The following ZNF334 variants were observed in gnomAD, a reference collection of about 807,000 sequenced individuals.
The protein encoded by ZNF334 is zinc finger protein 334.
A neutral mutation model predicts 12.4 loss-of-function variants in ZNF334; 14 were observed. That is an observed-to-expected ratio of 1.13 (90% CI 0.74 to 1.76). The LOEUF (loss-of-function observed/expected upper bound fraction) is 1.76, where lower values mean the gene tolerates loss of function less well. ZNF334 is among the 40% of genes most tolerant of loss of function. The pLI, the probability that ZNF334 is intolerant of heterozygous loss-of-function variation, is 0.00. For missense variants in ZNF334, 797 were observed against 804.5 expected, an observed-to-expected ratio of 0.99 and a Z score of 0.11; for synonymous variants, 273 against 269.6, an observed-to-expected ratio of 1.01 and a Z score of -0.12.
intron 2 of ZNF334, among the ~76,000 whole-genome samples, chr20:46,508,882 T>C (rs1368510802): frequency 6.6e-6 from 1 of 152,228 alleles, no homozygotes; most frequent in Non-Finnish European, 1.5e-5. Context: ...TATTTTTATA[T>C]ATTTTTTATG....
chr20:46,501,298 AT>A lies in ZNF334; in HGVS notation c.2040del (p.Glu680AspfsTer24). ...GGAATTTATTACTTTGTTGGAACTT[AT>A]TCCTTGTGGGATTTCTGATGTAAAA... ...NFLLHQKSHK[E>X] On this transcript the variant is annotated frameshift_variant, in exon 5 of 5. Transcript: ENST00000692313. LOFTEE classifies it high-confidence loss of function. 1 of 1,608,764 alleles carries A rather than the reference AT, an allele frequency of 6.2e-7. No homozygotes were observed. The highest frequency in any genetic ancestry group is 8.5e-7 in the Non-Finnish European group (1 of 1,177,178).
chr20:46,483,159 C>T, the ZNF334 span, among the ~76,000 whole-genome samples: 1 of 152,216 alleles, frequency 6.6e-6, no homozygotes, highest in Non-Finnish European at 1.5e-5. Context: ...CTCGCCAAAA[C>T]AAGCAAGACT....
At position 46,502,681 on chromosome 20, in the gene ZNF334, TGAA is replaced by T. The variant is rs1327162104; in HGVS notation, c.655_657del (p.Phe219del). The stretch of plus-strand genomic sequence containing the variant: ...TTTTGTGTAATGAGAATTGCCCTCT[TGAA>T]GAAGGTTTTCCCACATTTATTATAG... On this transcript the variant is annotated inframe_deletion, in exon 5 of 5. Transcript: ENST00000692313. The T allele has an allele frequency of 6.8e-6, 11 of 1,612,630 alleles. No individual in the cohort carries two copies. The highest frequency in any genetic ancestry group is 1.7e-5 in the Admixed American group (1 of 59,970).
chr20:46,482,079 A>G, the ZNF334 span, among the ~76,000 whole-genome samples: 4 of 152,176 alleles, frequency 2.6e-5, no homozygotes, highest in South Asian at 8.3e-4. Context: ...GCCACGAGCC[A>G]AGGAATGCAG....
At chr20:46,486,780 C>CT in the ZNF334 span, among the ~76,000 whole-genome samples, 1 of 152,122 alleles carries the variant, frequency 6.6e-6, no homozygotes, top group Admixed American at 6.5e-5. Flanking sequence ...ACCCACATTA[C>CT]TTGTCTTTCC....
intron 2 of ZNF334, chr20:46,509,495 G>A (rs1424114152): frequency 1.0e-5 from 7 of 685,210 alleles, no homozygotes; most frequent in Admixed American, 2.0e-5. Flanking sequence ...CAGGAGCATG[G>A]GGTCAGCACG....
At chr20:46,512,479 T>C (rs2061688687) in intron 1 of ZNF334, 61 bp downstream of exon 1, 1 of 169,206 alleles carries the variant, frequency 5.9e-6, no homozygotes, top group African/African-American at 2.4e-5. Context: ...ATTTTGGCAT[T>C]AAAATGGACT....
At chr20:46,467,006 A>C in the ZNF334 span, among the ~76,000 whole-genome samples, 1 of 152,194 alleles carries the variant, frequency 6.6e-6, no homozygotes, top group Non-Finnish European at 1.5e-5. Context: ...TATTAATGTG[A>C]CCTAAGGAAA....
At chr20:46,506,729 C>T (rs1041123768) in intron 2 of ZNF334, 5 of 171,372 alleles carry the variant, frequency 2.9e-5, no homozygotes, top group South Asian at 2.0e-4. Flanking sequence ...TGGAGACAGA[C>T]GGAAAGAATG....
the ZNF334 span, among the ~76,000 whole-genome samples, chr20:46,462,328 C>A: frequency 1.3e-5 from 2 of 152,298 alleles, no homozygotes; most frequent in East Asian, 1.9e-4. Flanking sequence ...AATAGAAATT[C>A]TTTTAATAAC....
At chr20:46,484,435 A>T in the ZNF334 span, 1 of 167,242 alleles carries the variant, frequency 6.0e-6, no homozygotes, top group South Asian at 2.1e-4. Context: ...GCATGTATAC[A>T]TATAAAGTAT....
At chr20:46,506,278 A>C in intron 2 of ZNF334, 3 of 538,092 alleles carry the variant, frequency 5.6e-6, no homozygotes, top group Non-Finnish European at 9.9e-6. Flanking sequence ...AAAAAAGCAA[A>C]GTATTAAAGA....
chr20:46,489,440 G>A, the ZNF334 span, among the ~76,000 whole-genome samples: 1 of 152,046 alleles, frequency 6.6e-6, no homozygotes, highest in Non-Finnish European at 1.5e-5. Context: ...AGGCTGAGGC[G>A]GTCAGGCCAC....
At chr20:46,497,888 A>T (rs1327276277), downstream of ZNF334, among the ~76,000 whole-genome samples, 1 of 152,238 alleles carries the variant, frequency 6.6e-6, no homozygotes, top group East Asian at 1.9e-4. Flanking sequence ...CTATTTTCTT[A>T]AAAAGGCTAC....
the ZNF334 span, among the ~76,000 whole-genome samples, chr20:46,470,562 G>A: frequency 1.3e-5 from 2 of 152,170 alleles, no homozygotes; most frequent in Non-Finnish European, 2.9e-5. Context: ...GGGACAGAGT[G>A]GGTTGAGACA....
At chr20:46,482,789 G>A in the ZNF334 span, among the ~76,000 whole-genome samples, 1 of 152,138 alleles carries the variant, frequency 6.6e-6, no homozygotes, top group African/African-American at 2.4e-5. Context: ...TTATTTTGGA[G>A]ATGTTTCCGT....
At position 46,502,201 on chromosome 20, in the gene ZNF334, T is replaced by C; in HGVS notation, c.1138A>G (p.Lys380Glu). The stretch of plus-strand genomic sequence containing the variant: ...CAGAAGAAGGTTTTCCCACATTCCT[T>C]ACATTCATTTGGCTTCTCTCCTCTG... ...THRGEKPNEC[K>E]ECGKTFFCQS... is the part of the protein sequence containing the mutation. Residue 380 changes from lysine to glutamate, a missense_variant, in exon 5 of 5, where the codon AAG (lysine) becomes GAG (glutamate). Physicochemically the swap from Lys to Glu is moderately conservative, Grantham distance 56 (BLOSUM62 1). Coordinates refer to ENST00000692313, the MANE Select transcript of ZNF334 (RefSeq NM_001353824.2). 1 of 1,614,156 alleles carries C rather than the reference T, an allele frequency of 6.2e-7. No individual in the cohort carries two copies. The highest frequency in any genetic ancestry group is 8.5e-7 in the Non-Finnish European group (1 of 1,180,024).
At chr20:46,492,291 G>C in the ZNF334 span, 1 of 152,760 alleles carries the variant, frequency 6.5e-6, no homozygotes, top group Non-Finnish European at 1.5e-5. Flanking sequence ...ACTCATACAG[G>C]AGAGAGACCT....
the ZNF334 span, chr20:46,491,347 T>C: frequency 1.3e-5 from 2 of 152,716 alleles, no homozygotes; most frequent in Non-Finnish European, 2.9e-5. Context: ...GAAAAACCTT[T>C]CACCGTTTCT....
Sources: gnomAD v4.1 joint callset for allele counts (sites outside exome capture counted in the v4.1 genomes callset) on GRCh38, gnomAD v4.1.1 for gene constraint, MANE v1.5 for transcripts, NCBI Gene and HGNC (gene_info 2026-07-23, HGNC 2026-07-21) for gene names.